CLDN10: variants seen among roughly 807,000 people sequenced by gnomAD.
CLDN10 encodes the protein claudin 10.
In CLDN10, 15 loss-of-function variants were observed where a neutral mutation model predicts 22.9. The observed-to-expected ratio is 0.65, with a 90% CI of 0.44 to 1.01. The LOEUF (loss-of-function observed/expected upper bound fraction) is 1.01, where lower values mean the gene tolerates loss of function less well. Among genes scored for constraint, CLDN10 ranks in the 50% least tolerant of loss-of-function variants. The pLI is 0.00. For missense variants in CLDN10, 247 were observed against 287.8 expected (o/e 0.86, Z 1.03); for synonymous variants, 114 against 111.4 (o/e 1.02, Z -0.15).
intron 1 of CLDN10, among the ~76,000 whole-genome samples, chr13:95,471,017 G>C (rs1156369052): frequency 6.6e-6 from 1 of 152,168 alleles, no homozygotes; most frequent in Admixed American, 6.5e-5. Context: ...GGGGAAAGGA[G>C]ACGAGAAAGG....
intron 1 of CLDN10, among the ~76,000 whole-genome samples, chr13:95,503,666 G>C (rs866016923): frequency 6.6e-6 from 1 of 152,116 alleles, no homozygotes; most frequent in East Asian, 1.9e-4. Context: ...GCCTTAAAAG[G>C]GATGAAAGTT....
At chr13:95,557,947 C>T (rs1208674281) in intron 1 of CLDN10, among the ~76,000 whole-genome samples, 2 of 152,080 alleles carry the variant, frequency 1.3e-5, no homozygotes, top group Non-Finnish European at 2.9e-5. Context: ...TAGAATTTAA[C>T]CTTTGGTAAA....
At position 95,463,285 on chromosome 13, in the gene CLDN10, AATATATATATATATATAT is replaced by A. The variant is rs200962205; in HGVS notation, c.214+29261_214+29278del. On this transcript the variant is annotated intron_variant, in intron 1 of 4. Coordinates refer to the CLDN10 transcript ENST00000376873. ...AGTTGAGTCAAAAGTGCAAATGCTT[AATATATATATATATATAT>A]ATATATATATATATATATATATTTG... Among the ~76,000 whole-genome samples the A allele has an allele frequency of 6.2e-4, 25 of 40,096 alleles. 1 individual carries two copies. The highest frequency in any genetic ancestry group is 1.4e-3 in the East Asian group (2 of 1,382). 26.3% of individuals were successfully genotyped at this position (40,096 alleles called of 152,430 possible). A position where few individuals can be genotyped will look rare whatever the true frequency, so the allele number is the denominator to read the frequency against.
chr13:95,504,259 A>G lies in CLDN10; in HGVS notation c.215-55873A>G, dbSNP rs139966593. The stretch of plus-strand genomic sequence containing the variant: ...TATTTATGGACAGGAAAACAGGAAT[A>G]TTCTCTTCTGTCTGCCTACATTTTT... On this transcript the variant is annotated intron_variant, in intron 1 of 4. Coordinates refer to the CLDN10 transcript ENST00000376873. 3.5e-4 allele frequency among the ~76,000 whole-genome samples: 53 copies of G among 152,366 alleles called. No individual in the cohort carries two copies. In the East Asian group the frequency reaches 8.9e-3, roughly 25 times the overall value.
chr13:95,496,219 C>T (rs2042928452), intron 1 of CLDN10, among the ~76,000 whole-genome samples: 1 of 152,238 alleles, frequency 6.6e-6, no homozygotes, highest in Non-Finnish European at 1.5e-5. Context: ...TAAATAAGCA[C>T]ACATTCACGT....
chr13:95,553,940 G>C (rs1377864698), intron 1 of CLDN10, among the ~76,000 whole-genome samples: 2 of 152,196 alleles, frequency 1.3e-5, no homozygotes, highest in South Asian at 2.1e-4. Context: ...AAACTTAAGA[G>C]GAGTTATTTA....
intron 1 of CLDN10, among the ~76,000 whole-genome samples, chr13:95,519,827 C>G (rs190555479): frequency 1.3e-5 from 2 of 151,944 alleles, no homozygotes; most frequent in Admixed American, 6.6e-5. Flanking sequence ...ATCTCTGGGT[C>G]TAGGTAAAGA....
chr13:95,497,548 T>C (rs912135938), intron 1 of CLDN10, among the ~76,000 whole-genome samples: 3 of 152,194 alleles, frequency 2.0e-5, no homozygotes, highest in Admixed American at 6.5e-5. Context: ...CCCGGCTTTG[T>C]GCAGATAGAT....
At chr13:95,473,402 T>C (rs1392076741) in intron 1 of CLDN10, among the ~76,000 whole-genome samples, 2 of 152,000 alleles carry the variant, frequency 1.3e-5, no homozygotes, top group Non-Finnish European at 2.9e-5. Context: ...AAAAAAGAAA[T>C]AACATGGTCT....
exon 1 of CLDN10, chr13:95,433,996 G>T (rs1244558767): frequency 2.5e-6 from 4 of 1,614,084 alleles, no homozygotes; most frequent in Non-Finnish European, 2.5e-6. Flanking sequence ...CGCAGGTAAC[G>T]CGTTGGGTTC....
intron 1 of CLDN10, among the ~76,000 whole-genome samples, chr13:95,460,461 C>T (rs1437608977): frequency 6.6e-6 from 1 of 152,128 alleles, no homozygotes; most frequent in Non-Finnish European, 1.5e-5. Context: ...CCTCAGCAAA[C>T]TTACAATCAT....
chr13:95,569,027 A>G (rs770199845), intron 3 of CLDN10, among the ~76,000 whole-genome samples: 1 of 152,158 alleles, frequency 6.6e-6, no homozygotes, highest in Non-Finnish European at 1.5e-5. Flanking sequence ...GGCTGTTGTC[A>G]GGATTAAATG....
intron 1 of CLDN10, among the ~76,000 whole-genome samples, chr13:95,525,950 C>T (rs1168058187): frequency 6.6e-6 from 1 of 152,208 alleles, no homozygotes; most frequent in Non-Finnish European, 1.5e-5. Context: ...TATAAATCCT[C>T]TTATTTGGAT....
intron 1 of CLDN10, among the ~76,000 whole-genome samples, chr13:95,476,067 G>A (rs2042683622): frequency 1.3e-5 from 2 of 152,174 alleles, no homozygotes. Flanking sequence ...TGTGGTGATA[G>A]GACATATGAG....
chr13:95,572,858 C>A (rs1232831424), intron 3 of CLDN10, among the ~76,000 whole-genome samples: 1 of 152,192 alleles, frequency 6.6e-6, no homozygotes, highest in African/African-American at 2.4e-5. Flanking sequence ...TACACCAGCT[C>A]CCCATGGATG....
chr13:95,478,726 T>C (rs1036047415), intron 1 of CLDN10, among the ~76,000 whole-genome samples: 1 of 152,232 alleles, frequency 6.6e-6, no homozygotes, highest in African/African-American at 2.4e-5. Flanking sequence ...ATGGCACAGC[T>C]GTCGCTGGCG....
intron 1 of CLDN10, among the ~76,000 whole-genome samples, chr13:95,497,297 G>A (rs1264633400): frequency 6.6e-6 from 1 of 152,142 alleles, no homozygotes; most frequent in Non-Finnish European, 1.5e-5. Flanking sequence ...AAAGGATCAT[G>A]GTCAAGCTTC....
chr13:95,513,463 T>C (rs989361755), intron 1 of CLDN10, among the ~76,000 whole-genome samples: 6 of 152,334 alleles, frequency 3.9e-5, no homozygotes, highest in African/African-American at 1.2e-4. Context: ...TTCCATGTCA[T>C]ATTGTATGAC....
chr13:95,448,302 G>T (rs910895101), intron 1 of CLDN10, among the ~76,000 whole-genome samples: 4 of 151,894 alleles, frequency 2.6e-5, no homozygotes, highest in Admixed American at 6.6e-5. Flanking sequence ...CCAGCCATTT[G>T]CCATGCAATC....
Sources: gnomAD v4.1 joint callset for allele counts (sites outside exome capture counted in the v4.1 genomes callset) on GRCh38, gnomAD v4.1.1 for gene constraint, MANE v1.5 for transcripts, NCBI Gene and HGNC (gene_info 2026-07-23, HGNC 2026-07-21) for gene names.